The following MTA3 variants were observed in gnomAD, a reference collection of about 807,000 sequenced individuals.
MTA3 encodes the protein metastasis associated 1 family member 3.
A neutral mutation model predicts 83.5 loss-of-function variants in MTA3; 34 were observed. The ratio of observed to expected loss-of-function variants is 0.41; its 90% CI spans 0.31 to 0.54. The LOEUF (loss-of-function observed/expected upper bound fraction) is 0.54. Among genes scored for constraint, MTA3 ranks in the 20% least tolerant of loss-of-function variants. The pLI, the probability that MTA3 is intolerant of heterozygous loss-of-function variation, is 0.33. For missense variants in MTA3, 761 were observed against 726.4 expected (o/e 1.05, Z -0.55); for synonymous variants, 303 against 252.7 (o/e 1.20, Z -1.89).
chr2:42,620,407 A>G (rs903129012), intron 4 of MTA3, among the ~76,000 whole-genome samples: 2 of 152,094 alleles, frequency 1.3e-5, no homozygotes, highest in African/African-American at 4.8e-5. Flanking sequence ...GGAATGAGCT[A>G]CCGTGCCCTG....
At chr2:42,710,015 C>T (rs1666463961) in intron 14 of MTA3, among the ~76,000 whole-genome samples, 1 of 152,122 alleles carries the variant, frequency 6.6e-6, no homozygotes, top group South Asian at 2.1e-4. Flanking sequence ...CATGTTAGAG[C>T]CGTGCAGCTT....
chr2:42,556,350 A>G (rs1677392457), intron 2 of MTA3, among the ~76,000 whole-genome samples: 1 of 152,184 alleles, frequency 6.6e-6, no homozygotes, highest in Non-Finnish European at 1.5e-5. Context: ...TGCTCTGGAA[A>G]GTGTTTACCA....
At chr2:42,588,122 A>G (rs991265591) in intron 3 of MTA3, among the ~76,000 whole-genome samples, 5 of 152,300 alleles carry the variant, frequency 3.3e-5, no homozygotes, top group South Asian at 4.1e-4. Context: ...TCTTAAGCTT[A>G]GTGGGGCTTC....
intron 2 of MTA3, among the ~76,000 whole-genome samples, chr2:42,499,539 C>G (rs555500967): frequency 6.6e-6 from 1 of 151,670 alleles, no homozygotes; most frequent in Non-Finnish European, 1.5e-5. Context: ...TGCCTGTAAT[C>G]CCAGCACTTT....
chr2:42,704,149 T>G, intron 11 of MTA3, 45 bp from the exon 12 acceptor site: 1 of 1,592,286 alleles, frequency 6.3e-7, no homozygotes, highest in Non-Finnish European at 8.6e-7. Context: ...CTTTTTGCCT[T>G]ATTGTACAAA....
intron 9 of MTA3, 179 bp downstream of exon 9, chr2:42,682,768 T>C (rs1378418270): frequency 3.2e-6 from 2 of 627,480 alleles, no homozygotes; most frequent in Non-Finnish European, 5.4e-6. Context: ...GGAGGAGTAG[T>C]TGTAGTAAGA....
chr2:42,627,789 A>T (rs1480269564), intron 4 of MTA3, among the ~76,000 whole-genome samples: 19 of 139,760 alleles, frequency 1.4e-4, no homozygotes, highest in African/African-American at 5.1e-4. Context: ...TGTTGGTCAG[A>T]CTGGTCTCAA....
chr2:42,695,924 C>T, intron 10 of MTA3, 85 bp downstream of exon 10: 1 of 856,336 alleles, frequency 1.2e-6, no homozygotes, highest in Admixed American at 3.0e-5. Flanking sequence ...CGATGTACTA[C>T]TTTTAAATTT....
chr2:42,678,788 G>A (rs565789808), intron 8 of MTA3, among the ~76,000 whole-genome samples: 1 of 152,050 alleles, frequency 6.6e-6, no homozygotes, highest in Non-Finnish European at 1.5e-5. Flanking sequence ...GTGTGTGTGT[G>A]TATACATACA....
intron 3 of MTA3, among the ~76,000 whole-genome samples, chr2:42,600,324 G>A (rs1682405748): frequency 6.6e-6 from 1 of 152,142 alleles, no homozygotes; most frequent in African/African-American, 2.4e-5. Flanking sequence ...AGAATGAAAT[G>A]TACTATAGCA....
At chr2:42,614,316 G>C (rs10180317) in intron 4 of MTA3, 114,786 of 152,020 alleles carry the variant, frequency 0.76, 43,704 homozygotes, top group South Asian at 0.88. Context: ...AGGCTAGTCT[G>C]AAACTCCCGA....
chr2:42,549,436 T>C lies in MTA3; in HGVS notation c.-140-21001T>C, dbSNP rs1197221947. On this transcript the variant is annotated intron_variant, in intron 2 of 17. Transcript: ENST00000405592. ...TATATATTATATAATATATAATATA[T>C]ACGTATACATATAATATATTATATA... Among the ~76,000 whole-genome samples, 10 of 79,188 alleles carry C rather than the reference T, an allele frequency of 1.3e-4. 1 individual carries two copies. Among genetic ancestry groups the C allele is most frequent in the African/African-American group, 5.0e-4 (9 of 18,164 alleles). The allele number at this position is 79,188 out of a possible 152,430, so 52.0% of individuals were successfully genotyped here. A position where few individuals can be genotyped will look rare whatever the true frequency, so the allele number is the denominator to read the frequency against.
In MTA3 at chr2:42,756,542, G is replaced by A. The variant is rs1670248442; in HGVS notation, c.*3143G>A. ...TGTTTATGCCCCACTGCTGTCCTAA[G>A]TCCCTGGCGAGGGGAGGTGGAGGAG... On this transcript the variant is annotated 3_prime_UTR_variant, in exon 17 of 17. Transcript: ENST00000405094. 2 of 985,496 alleles carry A rather than the reference G, an allele frequency of 2.0e-6. No homozygotes were observed. Among genetic ancestry groups the A allele is most frequent in the African/African-American group, 1.8e-5 (1 of 57,068 alleles). The allele number at this position is 985,496 out of a possible 1,614,324, so 61.0% of individuals were successfully genotyped here. A position where few individuals can be genotyped will look rare whatever the true frequency, so the allele number is the denominator to read the frequency against.
chr2:42,519,765 C>A (rs746038342), intron 2 of MTA3, among the ~76,000 whole-genome samples: 1 of 151,852 alleles, frequency 6.6e-6, no homozygotes, highest in African/African-American at 2.4e-5. Flanking sequence ...AAAAATTAAC[C>A]AGGGCCGGTT....
chr2:42,547,366 C>T (rs1676802984), intron 2 of MTA3, among the ~76,000 whole-genome samples: 1 of 152,236 alleles, frequency 6.6e-6, no homozygotes, highest in Non-Finnish European at 1.5e-5. Context: ...CTTGCTCTGT[C>T]GCCCAGGCCG....
At chr2:42,701,804 T>C (rs1287963038) in intron 11 of MTA3, among the ~76,000 whole-genome samples, 2 of 151,212 alleles carry the variant, frequency 1.3e-5, no homozygotes, top group Non-Finnish European at 2.9e-5. Flanking sequence ...TACCAGCTAC[T>C]TGGGAGGCTG....
chr2:42,700,542 A>G (rs1693773208), intron 11 of MTA3, among the ~76,000 whole-genome samples: 1 of 152,204 alleles, frequency 6.6e-6, no homozygotes, highest in African/African-American at 2.4e-5. Flanking sequence ...TTTTTAAGGC[A>G]GCTCAACTGT....
intron 2 of MTA3, among the ~76,000 whole-genome samples, chr2:42,545,391 G>T (rs1192501477): frequency 6.6e-6 from 1 of 151,476 alleles, no homozygotes; most frequent in Non-Finnish European, 1.5e-5. Flanking sequence ...AATAAAATTA[G>T]AAGAAGAAAA....
At chr2:42,710,025 T>A (rs1476016814) in intron 14 of MTA3, among the ~76,000 whole-genome samples, 1 of 152,192 alleles carries the variant, frequency 6.6e-6, no homozygotes, top group African/African-American at 2.4e-5. Context: ...CCGTGCAGCT[T>A]TTGTTCCTTA....
Sources: gnomAD v4.1 joint callset for allele counts (sites outside exome capture counted in the v4.1 genomes callset) on GRCh38, gnomAD v4.1.1 for gene constraint, MANE v1.5 for transcripts, NCBI Gene and HGNC (gene_info 2026-07-23, HGNC 2026-07-21) for gene names.